Variants in UBE3D observed in about 807,000 individuals in gnomAD.
UBE3D encodes E3 ubiquitin-protein ligase E3D.
Under a neutral mutation model 49.6 loss-of-function variants are expected in UBE3D, and 48 were observed. That is an observed-to-expected ratio of 0.97 (90% CI 0.77 to 1.23). The LOEUF (loss-of-function observed/expected upper bound fraction) is 1.23, where lower values mean the gene tolerates loss of function less well. Ranked by LOEUF, UBE3D falls within the 50% of genes most tolerant of loss-of-function variation. The probability of loss-of-function intolerance (pLI) is 0.00; values close to 1 mark genes in which losing one functional copy is unlikely to be tolerated. For missense variants in UBE3D, 452 were observed against 468.4 expected (o/e 0.96, Z 0.32); for synonymous variants, 189 against 174.2 (o/e 1.08, Z -0.67).
intron 8 of UBE3D, among the ~76,000 whole-genome samples, chr6:82,971,904 G>A (rs1777378721): frequency 6.6e-6 from 1 of 152,124 alleles, no homozygotes; most frequent in South Asian, 2.1e-4. Flanking sequence ...CAAAATGTTT[G>A]ACGCTTTCTT....
At chr6:83,004,102 C>A (rs1257265368) in intron 8 of UBE3D, among the ~76,000 whole-genome samples, 1 of 152,152 alleles carries the variant, frequency 6.6e-6, no homozygotes, top group Non-Finnish European at 1.5e-5. Flanking sequence ...CCCATAAATT[C>A]TGATCTATAA....
chr6:82,969,716 A>G (rs1777210631), intron 8 of UBE3D, among the ~76,000 whole-genome samples: 1 of 152,222 alleles, frequency 6.6e-6, no homozygotes, highest in South Asian at 2.1e-4. Context: ...GAAAAAATGG[A>G]AAGATATACT....
chr6:83,020,686 C>G (rs1466488327), intron 7 of UBE3D, among the ~76,000 whole-genome samples: 2 of 152,136 alleles, frequency 1.3e-5, no homozygotes, highest in Non-Finnish European at 2.9e-5. Flanking sequence ...CAAAATCAGT[C>G]AGAAAATATT....
chr6:82,950,929 G>C (rs1249713964), intron 9 of UBE3D, among the ~76,000 whole-genome samples: 1 of 151,918 alleles, frequency 6.6e-6, no homozygotes, highest in African/African-American at 2.4e-5. Flanking sequence ...TGGAGACAGA[G>C]AGTAGAAAGA....
chr6:82,970,913 T>C (rs1273749022), intron 8 of UBE3D, among the ~76,000 whole-genome samples: 2 of 152,054 alleles, frequency 1.3e-5, no homozygotes, highest in African/African-American at 4.8e-5. Context: ...CAACATTCAT[T>C]TTACAAAGAG....
intron 8 of UBE3D, among the ~76,000 whole-genome samples, chr6:82,968,154 T>A (rs879037660): frequency 6.6e-6 from 1 of 152,128 alleles, no homozygotes; most frequent in Admixed American, 6.5e-5. Context: ...AATTGCTGGG[T>A]CATATGATAA....
intron 9 of UBE3D, among the ~76,000 whole-genome samples, chr6:82,949,989 G>A (rs1775669556): frequency 6.6e-6 from 1 of 152,076 alleles, no homozygotes; most frequent in South Asian, 2.1e-4. Flanking sequence ...ACAAGCACAG[G>A]CAACTAAAGT....
At chr6:83,022,432 C>G (rs780256837) in intron 7 of UBE3D, 21 bp downstream of exon 7, 2 of 1,489,560 alleles carry the variant, frequency 1.3e-6, no homozygotes, top group East Asian at 2.4e-5. Context: ...CTACAAAAAG[C>G]TGGATAAAAT....
At chr6:82,887,404 T>TTTTTG (rs1562053947), downstream of UBE3D, among the ~76,000 whole-genome samples, 2 of 140,940 alleles carry the variant, frequency 1.4e-5, no homozygotes, top group African/African-American at 5.4e-5. Flanking sequence ...TTTTTTTTTT[T>TTTTTG]TTTTTTTTCA....
At chr6:83,010,382 G>C (rs1193993087) in intron 8 of UBE3D, among the ~76,000 whole-genome samples, 1 of 152,020 alleles carries the variant, frequency 6.6e-6, no homozygotes. Flanking sequence ...TCACCTACTG[G>C]AGTTTTAAAC....
chr6:82,932,265 T>C (rs1399378951), intron 9 of UBE3D, among the ~76,000 whole-genome samples: 1 of 152,188 alleles, frequency 6.6e-6, no homozygotes, highest in East Asian at 1.9e-4. Context: ...CAGTATCATA[T>C]AGAGTAGTTT....
At chr6:83,014,281 A>G (rs984465139) in intron 8 of UBE3D, among the ~76,000 whole-genome samples, 1 of 152,234 alleles carries the variant, frequency 6.6e-6, no homozygotes, top group Non-Finnish European at 1.5e-5. Flanking sequence ...TGATGGTGGC[A>G]CTAATTTCAG....
intron 9 of UBE3D, among the ~76,000 whole-genome samples, chr6:82,953,881 C>G (rs1305707462): frequency 6.6e-6 from 1 of 152,158 alleles, no homozygotes; most frequent in African/African-American, 2.4e-5. Context: ...GGCCTCTCCT[C>G]AGAGGGGATA....
At position 83,057,910 on chromosome 6, in the gene UBE3D, C is replaced by G. The variant is rs1783917179; in HGVS notation, c.190G>C (p.Val64Leu). Residue 64 changes from valine (V) to leucine (L), a missense_variant, in exon 2 of 10, where the codon GTA (valine) becomes CTA (leucine). By Grantham distance (32) the Val-to-Leu change is conservative. Transcript: ENST00000369747. ...TGTAGCCCACGGCAAGAGGAAGGTA[C>G]AAGCCTGACCTCTGCTGGAAGCTGG... ...EIQLPAEVRL[V>L]PSSCRGLQFV... 1 of 1,614,194 alleles carries G rather than the reference C, an allele frequency of 6.2e-7. No homozygotes were observed. Among genetic ancestry groups the G allele is most frequent in the Non-Finnish European group, 8.5e-7 (1 of 1,180,038 alleles).
intron 4 of UBE3D, among the ~76,000 whole-genome samples, chr6:83,043,877 T>C (rs528638659): frequency 1.3e-5 from 2 of 152,310 alleles, no homozygotes; most frequent in Admixed American, 6.5e-5. Flanking sequence ...AAGCAACTTA[T>C]GCAGCAAGAG....
chr6:83,043,109 A>C (rs1290260233), intron 4 of UBE3D, among the ~76,000 whole-genome samples: 1 of 152,258 alleles, frequency 6.6e-6, no homozygotes, highest in Admixed American at 6.5e-5. Context: ...GCTGTTTACT[A>C]TGAAGAGAAA....
chr6:83,047,694 A>T (rs1783160680), intron 3 of UBE3D, among the ~76,000 whole-genome samples: 1 of 152,182 alleles, frequency 6.6e-6, no homozygotes, highest in Admixed American at 6.5e-5. Flanking sequence ...GCCACTAAAC[A>T]CACCTTATTT....
chr6:82,988,123 A>G (rs1778647422), intron 8 of UBE3D, among the ~76,000 whole-genome samples: 2 of 152,232 alleles, frequency 1.3e-5, no homozygotes, highest in African/African-American at 4.8e-5. Context: ...TAGTTATGCA[A>G]CTAAGAAGTT....
chr6:83,019,050 T>A lies in UBE3D; in HGVS notation c.933A>T (p.Thr311=). The A allele has an allele frequency of 6.2e-7, 1 of 1,614,062 alleles. No homozygotes were observed. The highest frequency in any genetic ancestry group is 8.5e-7 in the Non-Finnish European group (1 of 1,179,966). Residue 311 remains threonine, a synonymous_variant, in exon 8 of 10, where the codon ACA becomes ACT. Transcript: ENST00000369747. ...YIKKFPLLEN[T]FKADSSSAWS... is the part of the protein sequence containing the mutation. ...AGGCAGAACTAGAATCGGCTTTGAATGTGTTTTCCAACAAGGGGAATTTTT... is the reference window on the plus strand; with the variant it reads ...AGGCAGAACTAGAATCGGCTTTGAAAGTGTTTTCCAACAAGGGGAATTTTT...
Sources: gnomAD v4.1 joint callset for allele counts (sites outside exome capture counted in the v4.1 genomes callset) on GRCh38, gnomAD v4.1.1 for gene constraint, MANE v1.5 for transcripts, NCBI Gene and HGNC (gene_info 2026-07-23, HGNC 2026-07-21) for gene names.